Variants in SSC5D observed in about 807,000 individuals in gnomAD.
SSC5D encodes soluble scavenger receptor cysteine-rich domain-containing protein SSC5D.
A neutral mutation model predicts 104.6 loss-of-function variants in SSC5D; 106 were observed. That is an observed-to-expected ratio of 1.01 (90% confidence interval 0.87 to 1.19). The LOEUF (loss-of-function observed/expected upper bound fraction) is 1.19, where lower values mean the gene tolerates loss of function less well. SSC5D is among the 50% of genes most tolerant of loss of function. The probability of loss-of-function intolerance (pLI) is 0.00; values close to 1 mark genes in which losing one functional copy is unlikely to be tolerated. For synonymous variants in SSC5D, 860 were observed against 883.5 expected, an observed-to-expected ratio of 0.97 and a Z score of 0.47; for missense variants, 1,993 against 2,153.8, an observed-to-expected ratio of 0.93 and a Z score of 1.48.
intron 8 of SSC5D, among the ~76,000 whole-genome samples, chr19:55,496,346 C>T (rs1202277271): frequency 6.6e-6 from 1 of 152,160 alleles, no homozygotes; most frequent in Non-Finnish European, 1.5e-5. Flanking sequence ...TCCAAGATGT[C>T]AAAGCATCAG....
At chr19:55,501,248 C>T in intron 12 of SSC5D, 47 bp downstream of exon 12, 4 of 1,464,702 alleles carry the variant, frequency 2.7e-6, no homozygotes, top group Non-Finnish European at 3.6e-6. Flanking sequence ...CATAAACCTC[C>T]ATTCGCTTCC....
chr19:55,498,311 GTGTTTTT>G, intron 9 of SSC5D, 114 bp downstream of exon 9: 4 of 1,156,190 alleles, frequency 3.5e-6, no homozygotes, highest in Non-Finnish European at 4.9e-6. Context: ...CCTGTGCTGG[GTGTTTTT>G]GCACATATAA....
intron 12 of SSC5D, among the ~76,000 whole-genome samples, chr19:55,509,212 C>T (rs1052723629): frequency 6.6e-6 from 1 of 152,148 alleles, no homozygotes; most frequent in East Asian, 1.9e-4. Context: ...CCCCAGCCAC[C>T]CTCTCCCCAT....
At chr19:55,516,420 C>G (rs1291812419) in intron 13 of SSC5D, among the ~76,000 whole-genome samples, 6 of 151,936 alleles carry the variant, frequency 3.9e-5, no homozygotes, top group Non-Finnish European at 1.5e-5. Context: ...TGGTGTGAAC[C>G]CGGGAGGCGG....
In SSC5D at chr19:55,500,125, C is replaced by A; in HGVS notation, c.2015C>A (p.Ala672Asp). 1 of 1,551,506 alleles carries A rather than the reference C, an allele frequency of 6.4e-7. No individual in the cohort carries two copies. Among genetic ancestry groups the A allele is most frequent in the Admixed American group, 2.0e-5 (1 of 50,980 alleles). Residue 672 changes from alanine to aspartate, a missense_variant, in exon 10 of 14, where the codon GCC (alanine) becomes GAC (aspartate). By Grantham distance (126) the Ala-to-Asp change is moderately radical. Around this residue, in one of 6 missense-constraint regions of SSC5D, gnomAD observed 1,101 missense variants for 1,085.0 expected, o/e 1.01. Coordinates refer to ENST00000389623, the MANE Select transcript of SSC5D (RefSeq NM_001144950.2). This position sits in a 1 kb window ranked among gnomAD's most constrained non-coding sequence, Gnocchi z 4.6. ...ACCACTGCAGCACTGACCACTGAGG[C>A]CTCCCGAAGACCTACCTCTGAGTTT... ...SQTTAALTTE[A>D]SRRPTSEFTR...
rs1412282321 is a variant in SSC5D, at chr19:55,500,547, T to C, written c.2360T>C (p.Val787Ala). ...GPNRCAGRLE[V>A]WHAGRWGTVC... Reference sequence around the variant, plus strand: ...AACCGCTGTGCTGGCCGGCTGGAAGTGTGGCATGCCGGACGCTGGGGAACA... The same window carrying C: ...AACCGCTGTGCTGGCCGGCTGGAAGCGTGGCATGCCGGACGCTGGGGAACA... Residue 787 changes from valine to alanine, a missense_variant, in exon 11 of 14, where the codon GTG (valine) becomes GCG (alanine). By Grantham distance (64) the Val-to-Ala change is moderately conservative (BLOSUM62 0). Transcript: ENST00000389623. This position sits in a 1 kb window ranked among gnomAD's most constrained non-coding sequence, Gnocchi z 4.6. The C allele has an allele frequency of 1.3e-6, 2 of 1,551,652 alleles. No homozygotes were observed. Among genetic ancestry groups the C allele is most frequent in the Non-Finnish European group, 1.7e-6 (2 of 1,146,962 alleles).
rs903194834 is a variant in SSC5D, at chr19:55,494,596, C to T, written c.1214-14C>T. The T allele has an allele frequency of 3.3e-6, 5 of 1,508,072 alleles. No individual in the cohort carries two copies. In the South Asian group the frequency reaches 3.8e-5, roughly 11 times the overall value. The allele number at this position is 1,508,072 out of a possible 1,614,324, so 93.4% of individuals were successfully genotyped here. On this transcript the variant is annotated splice_polypyrimidine_tract_variant and intron_variant, in intron 7 of 13. Transcript: ENST00000389623. ...GTGTGTGTGGGTGGCAATCACTTAC[C>T]CCCTGCTCCACAGGCATGCCCCTGG...
rs1385232041 is a variant in SSC5D at position 55,507,681 on chromosome 19, A to AG, written c.2786-5330_2786-5329insG. Among the ~76,000 whole-genome samples, 33 of 151,342 alleles carry AG rather than the reference A, an allele frequency of 2.2e-4. No individual in the cohort carries two copies. The East Asian group carries it at 3.3e-3, about 15-fold the overall frequency. On this transcript the variant is annotated intron_variant, in intron 12 of 13. Coordinates refer to ENST00000389623, the MANE Select transcript of SSC5D (RefSeq NM_001144950.2). Reference sequence around the variant, plus strand: ...ACTCCGTCTCAAAAAAAAAAAAAAAAAAAAAAAGAAAAAAAGAGACATCTT... The same window carrying AG: ...ACTCCGTCTCAAAAAAAAAAAAAAAAGAAAAAAAGAAAAAAAGAGACATCTT...
chr19:55,491,336 C>T (rs897612705), intron 6 of SSC5D: 6 of 488,618 alleles, frequency 1.2e-5, no homozygotes, highest in Middle Eastern at 5.3e-4. Flanking sequence ...GGCCAGTGAC[C>T]GTTTGTTTAA....
intron 8 of SSC5D, 95 bp from the exon 9 acceptor site, chr19:55,497,785 G>A (rs979369382): frequency 1.0e-5 from 13 of 1,239,750 alleles, no homozygotes; most frequent in Admixed American, 2.7e-5. Context: ...AGATGGATGA[G>A]TGGAAAGGAA....
rs535849598 is a variant in SSC5D at position 55,489,888 on chromosome 19, G to C, written c.368G>C (p.Arg123Pro). ...EDAGVVCAGQ[R>P]VANSRDDSTS... ...CCCTGCCCCCCCGCCGCAGGTCAGC[G>C]TGTGGCTAACTCCAGGGACGACTCA... Residue 123 changes from arginine (R) to proline (P), a missense_variant, in exon 4 of 14, where the codon CGT becomes CCT. Transcript: ENST00000389623. The C allele has an allele frequency of 6.5e-7, 1 of 1,547,572 alleles. No individual in the cohort carries two copies. The highest frequency in any genetic ancestry group is 2.0e-5 in the Admixed American group (1 of 50,778).
chr19:55,518,701 C>T lies in SSC5D; in HGVS notation c.4425C>T (p.Ala1475=). 2 of 1,550,742 alleles carry T rather than the reference C, an allele frequency of 1.3e-6. No individual in the cohort carries two copies. Among genetic ancestry groups the T allele is most frequent in the Non-Finnish European group, 1.7e-6 (2 of 1,146,782 alleles). ...CAGGCCCCCATGGTCCATGTGTGGC[C>T]CCAACACCACCTGTAAGGGTCATGG... The part of the protein sequence containing the change: ...QSPGPHGPCV[A]PTPPVRVMAC... Residue 1475 remains alanine, a synonymous_variant, in exon 14 of 14, where the codon GCC becomes GCT. Coordinates refer to ENST00000389623, the MANE Select transcript of SSC5D (RefSeq NM_001144950.2).
At position 55,518,157 on chromosome 19, in the gene SSC5D, AC is replaced by A. The variant is rs1568486403; in HGVS notation, c.3885del (p.Thr1296ProfsTer8). On this transcript the variant is annotated frameshift_variant, in exon 14 of 14. Coordinates refer to ENST00000389623, the MANE Select transcript of SSC5D (RefSeq NM_001144950.2). LOFTEE classifies it low-confidence loss of function (END_TRUNC). ...ACTCCTCACCCCACCACAACCCCTC[AC>A]CCCACCACAACCCCTCACCCCACCA... The part of the protein sequence containing the change: ...TTTPHPTTTP[H>X]PTTTPHPTMT... The A allele has an allele frequency of 1.6e-6, 2 of 1,213,144 alleles. No homozygotes were observed. Among genetic ancestry groups the A allele is most frequent in the Non-Finnish European group, 2.1e-6 (2 of 948,904 alleles). 75.1% of individuals were successfully genotyped at this position (1,213,144 alleles called of 1,614,324 possible). A position where few individuals can be genotyped will look rare whatever the true frequency, so the allele number is the denominator to read the frequency against.
rs377644583 is a variant in SSC5D, at chr19:55,488,545, C to T, written c.-45C>T. The T allele has an allele frequency of 2.8e-5, 43 of 1,540,856 alleles. No homozygotes were observed. The East Asian group carries it at 2.9e-4, about 11-fold the overall frequency. The stretch of plus-strand genomic sequence containing the variant: ...CAGCTGCCTCCTCCTCTTCTCTCCC[C>T]GCTCTCCTTCCCCTTTCACCCCATC... On this transcript the variant is annotated 5_prime_UTR_variant, in exon 1 of 14. Transcript: ENST00000389623.
intron 9 of SSC5D, among the ~76,000 whole-genome samples, 193 bp downstream of exon 9, chr19:55,498,390 G>A (rs1015337921): frequency 1.3e-5 from 2 of 152,208 alleles, no homozygotes; most frequent in African/African-American, 4.8e-5. Flanking sequence ...TACTGATAAA[G>A]AAGCTGAGGC....
intron 12 of SSC5D, among the ~76,000 whole-genome samples, chr19:55,512,703 G>C (rs190002873): frequency 6.6e-6 from 1 of 152,198 alleles, no homozygotes; most frequent in Admixed American, 6.5e-5. Flanking sequence ...GGCTGGTCTT[G>C]AGCTCCTGAC....
intron 7 of SSC5D, 64 bp downstream of exon 7, chr19:55,493,976 TTCGGC>T: frequency 6.3e-5 from 2 of 31,812 alleles, no homozygotes; most frequent in Admixed American, 6.0e-4. Flanking sequence ...GAGGGGCAAG[TTCGGC>T]GGGGGCGGGG....
rs1599920829 is a variant in SSC5D at position 55,500,067 on chromosome 19, A to G, written c.1957A>G (p.Arg653Gly). ...PPVMPTTKHSRAQSPPDLTSQ... is the reference protein window; with the variant it reads ...PPVMPTTKHSGAQSPPDLTSQ... ...AGTGATGCCAACCACGAAACACTCC[A>G]GGGCCCAAAGCCCCCCAGACCTAAC... Residue 653 changes from arginine to glycine, a missense_variant, in exon 10 of 14, where the codon AGG becomes GGG. By Grantham distance (125) the Arg-to-Gly change is moderately radical (BLOSUM62 -2). Around this residue, in one of 6 missense-constraint regions of SSC5D, gnomAD observed 1,101 missense variants for 1,085.0 expected, o/e 1.01. Transcript: ENST00000389623. The surrounding 1 kb of genome is among the most constrained non-coding windows in gnomAD (Gnocchi z 4.6). 1 of 1,551,844 alleles carries G rather than the reference A, an allele frequency of 6.4e-7. No homozygotes were observed. The highest frequency in any genetic ancestry group is 1.4e-5 in the African/African-American group (1 of 73,108).
chr19:55,489,056 C>A, intron 2 of SSC5D, 24 bp downstream of exon 2: 3 of 1,304,684 alleles, frequency 2.3e-6, no homozygotes, highest in Non-Finnish European at 2.0e-6. Flanking sequence ...CTCCTCCCAT[C>A]TGCCCGCCCC....
Sources: allele counts gnomAD v4.1 joint callset (sites outside exome capture counted in the v4.1 genomes callset), GRCh38; gene constraint gnomAD v4.1.1; regional missense constraint gnomAD v4.1.1; non-coding constraint Gnocchi (gnomAD v3.1); transcripts MANE v1.5; gene names NCBI Gene and HGNC (gene_info 2026-07-23, HGNC 2026-07-21).